ZNF678: variants seen among roughly 807,000 people sequenced by gnomAD.
ZNF678 encodes the protein hypothetical protein MGC42493.
In ZNF678, 5 loss-of-function variants were observed where a neutral mutation model predicts 3.0. That is an observed-to-expected ratio of 1.69 (90% confidence interval 0.88 to 3.56). The LOEUF (loss-of-function observed/expected upper bound fraction) is 3.56. ZNF678 is among the 30% of genes most tolerant of loss of function. The pLI, the probability that ZNF678 is intolerant of heterozygous loss-of-function variation, is 0.00. For missense variants in ZNF678, 593 were observed against 605.0 expected, an observed-to-expected ratio of 0.98 and a Z score of 0.21; for synonymous variants, 218 against 199.6, an observed-to-expected ratio of 1.09 and a Z score of -0.78.
At chr1:227,679,182 A>C (rs1659728191), downstream of ZNF678, among the ~76,000 whole-genome samples, 2 of 152,186 alleles carry the variant, frequency 1.3e-5, no homozygotes. Flanking sequence ...GAAAAGAGTT[A>C]ATAGAAAAAA....
downstream of ZNF678, among the ~76,000 whole-genome samples, chr1:227,663,028 A>G (rs1260458221): frequency 6.6e-6 from 1 of 152,190 alleles, no homozygotes; most frequent in Non-Finnish European, 1.5e-5. Flanking sequence ...CTAATCCAAT[A>G]TGACTGGGGT....
At chr1:227,650,058 C>G (rs1479661110) in intron 2 of ZNF678, among the ~76,000 whole-genome samples, 1 of 151,956 alleles carries the variant, frequency 6.6e-6, no homozygotes, top group Non-Finnish European at 1.5e-5. Context: ...GTTGCCTGTA[C>G]TTTTGATGTC....
At chr1:227,566,870 G>A (rs1656702227) in intron 1 of ZNF678, among the ~76,000 whole-genome samples, 1 of 145,538 alleles carries the variant, frequency 6.9e-6, no homozygotes, top group African/African-American at 2.5e-5. Flanking sequence ...TATTTTAAGG[G>A]TGATTTCAAA....
chr1:227,613,706 C>T (rs1658078001), intron 1 of ZNF678, among the ~76,000 whole-genome samples: 1 of 152,270 alleles, frequency 6.6e-6, no homozygotes, highest in Non-Finnish European at 1.5e-5. Flanking sequence ...TCATTCAGGG[C>T]CTCATCTTTG....
intron 1 of ZNF678, among the ~76,000 whole-genome samples, chr1:227,635,515 T>TTGCGTG (rs1553270313): frequency 7.8e-6 from 1 of 127,936 alleles, no homozygotes; most frequent in South Asian, 2.8e-4. Flanking sequence ...GGGTGAACAT[T>TTGCGTG]TGTGTGTGTG....
intron 1 of ZNF678, among the ~76,000 whole-genome samples, chr1:227,633,719 T>C (rs1483988615): frequency 6.6e-6 from 1 of 152,186 alleles, no homozygotes; most frequent in Non-Finnish European, 1.5e-5. Context: ...TAGTCAGAAC[T>C]TGAGTTCCCA....
Position 227,655,419 on chromosome 1 carries a change from C to G in ZNF678, c.1169C>G (p.Ser390Ter), listed in dbSNP as rs746144730. The change falls in exon 4 of 4, where the codon TCA becomes TGA. Residue 390 changes from serine (S) to a stop codon, truncating the protein, a stop_gained. Transcript: ENST00000343776. LOFTEE classifies it low-confidence loss of function (END_TRUNC). ...TGTGGCAAAGCGTTTAACAAGTTCT[C>G]AAGCCTTACTCAACATAGGAGAATT... is the stretch of plus-strand genomic sequence containing the variant. ...KECGKAFNKF[S>*]SLTQHRRIHT... 6.2e-7 allele frequency: 1 copy of G among 1,612,484 alleles called. No homozygotes were observed.
chr1:227,673,405 G>A (rs1217981543), intron 5 of ZNF678, among the ~76,000 whole-genome samples: 6 of 152,270 alleles, frequency 3.9e-5, no homozygotes, highest in African/African-American at 1.4e-4. Flanking sequence ...AGCTTCCTTT[G>A]CATTTATGGT....
At chr1:227,667,303 T>C (rs1297270359), downstream of ZNF678, among the ~76,000 whole-genome samples, 2 of 152,100 alleles carry the variant, frequency 1.3e-5, no homozygotes, top group Admixed American at 1.3e-4. Context: ...CTCAAACTGC[T>C]AGGATTTCAG....
intron 1 of ZNF678, among the ~76,000 whole-genome samples, chr1:227,591,223 A>G (rs1474354264): frequency 6.6e-6 from 1 of 150,938 alleles, no homozygotes; most frequent in Non-Finnish European, 1.5e-5. Flanking sequence ...TTGAAGATCC[A>G]GTCCAGCTCT....
At chr1:227,644,562 T>C (rs1006090078) in intron 1 of ZNF678, among the ~76,000 whole-genome samples, 1 of 152,222 alleles carries the variant, frequency 6.6e-6, no homozygotes, top group African/African-American at 2.4e-5. Flanking sequence ...GTGCCTGTTT[T>C]TTTCTAGCTA....
intron 1 of ZNF678, among the ~76,000 whole-genome samples, chr1:227,611,308 G>A (rs1041816913): frequency 2.0e-5 from 3 of 151,974 alleles, no homozygotes; most frequent in African/African-American, 7.3e-5. Context: ...CATGGGGATG[G>A]GCCATCACCC....
chr1:227,604,686 G>T (rs1657821348), intron 1 of ZNF678, among the ~76,000 whole-genome samples: 1 of 151,986 alleles, frequency 6.6e-6, no homozygotes. Flanking sequence ...ACTGCACCCG[G>T]CCTCCCTGAA....
intron 1 of ZNF678, among the ~76,000 whole-genome samples, chr1:227,614,786 C>T (rs1282175125): frequency 1.3e-5 from 2 of 152,180 alleles, no homozygotes; most frequent in Non-Finnish European, 1.5e-5. Context: ...ATCAGTTATT[C>T]CACCTGCTGA....
intron 1 of ZNF678, among the ~76,000 whole-genome samples, chr1:227,573,381 A>T (rs1198914836): frequency 6.6e-6 from 1 of 152,250 alleles, no homozygotes; most frequent in Non-Finnish European, 1.5e-5. Flanking sequence ...AGCACTTACG[A>T]ATAAAAGCCC....
At position 227,657,236 on chromosome 1, in the gene ZNF678, C is replaced by G. The variant is rs1659273737; in HGVS notation, c.*1408C>G. ...AAACAAAAAACTGATATTCCTCTTGCTTTGTCTTTTGCCATGATACCCCTT... is the reference window on the plus strand; with the variant it reads ...AAACAAAAAACTGATATTCCTCTTGGTTTGTCTTTTGCCATGATACCCCTT... On this transcript the variant is annotated 3_prime_UTR_variant, in exon 4 of 4. Transcript: ENST00000343776. 1.3e-5 allele frequency: 2 copies of G among 151,884 alleles called. No homozygotes were observed. The allele number at this position is 151,884 out of a possible 1,614,324, so 9.4% of individuals were successfully genotyped here.
intron 1 of ZNF678, among the ~76,000 whole-genome samples, chr1:227,584,131 A>AGT (rs561436399): frequency 4.8e-4 from 73 of 152,302 alleles, no homozygotes; most frequent in Admixed American, 9.8e-4. Flanking sequence ...CACCAATTGA[A>AGT]TTAACATTTT....
chr1:227,645,586 T>G (rs1427088263), intron 1 of ZNF678, among the ~76,000 whole-genome samples: 1 of 152,236 alleles, frequency 6.6e-6, no homozygotes, highest in African/African-American at 2.4e-5. Flanking sequence ...GAATGTTTCT[T>G]TTGTATCTGT....
At chr1:227,629,591 G>C (rs1352427505) in intron 1 of ZNF678, among the ~76,000 whole-genome samples, 2 of 152,244 alleles carry the variant, frequency 1.3e-5, no homozygotes, top group African/African-American at 2.4e-5. Flanking sequence ...GTGTCCAGGA[G>C]ACAGTTAACC....
Sources: allele counts gnomAD v4.1 joint callset (sites outside exome capture counted in the v4.1 genomes callset), GRCh38; gene constraint gnomAD v4.1.1; transcripts MANE v1.5; gene names NCBI Gene and HGNC (gene_info 2026-07-23, HGNC 2026-07-21).